PPIF: variants seen among roughly 807,000 people sequenced by gnomAD.
PPIF encodes peptidyl-prolyl cis-trans isomerase F, mitochondrial.
A neutral mutation model predicts 20.2 loss-of-function variants in PPIF; 23 were observed. The observed-to-expected ratio is 1.14, with a 90% CI of 0.82 to 1.61. The LOEUF (loss-of-function observed/expected upper bound fraction) is 1.61, where lower values mean the gene tolerates loss of function less well. Ranked by LOEUF, PPIF falls within the 40% of genes most tolerant of loss-of-function variation. PPIF has a pLI of 0.00. For missense variants in PPIF, 287 were observed against 291.6 expected, an observed-to-expected ratio of 0.98 and a Z score of 0.11; for synonymous variants, 113 against 123.1, an observed-to-expected ratio of 0.92 and a Z score of 0.54.
intron 3 of PPIF, among the ~76,000 whole-genome samples, chr10:79,350,506 T>G (rs1372630940): frequency 6.6e-6 from 1 of 152,178 alleles, no homozygotes; most frequent in African/African-American, 2.4e-5. Flanking sequence ...CCTGACCCAG[T>G]GGCCGTCATC....
At chr10:79,349,137 G>A (rs772130549) in intron 2 of PPIF, 31 bp downstream of exon 2, 4 of 1,613,758 alleles carry the variant, frequency 2.5e-6, no homozygotes, top group Non-Finnish European at 3.4e-6. Context: ...TTCTGAGATG[G>A]GTCTAGAGGG....
chr10:79,354,217 C>T lies in PPIF; in HGVS notation c.*375C>T, dbSNP rs1460657575. ...GGACAGTCAGTTTTGCAAAAGGACT[C>T]TAATACCTGTTTAATATTGTCTTCC... On this transcript the variant is annotated 3_prime_UTR_variant, in exon 6 of 6. Transcript: ENST00000225174. 1 of 255,910 alleles carries T rather than the reference C, an allele frequency of 3.9e-6. No individual in the cohort carries two copies. Among genetic ancestry groups the T allele is most frequent in the South Asian group, 5.1e-5 (1 of 19,434 alleles). The allele number at this position is 255,910 out of a possible 1,614,324, so 15.9% of individuals were successfully genotyped here. A position where few individuals can be genotyped will look rare whatever the true frequency, so the allele number is the denominator to read the frequency against.
intron 1 of PPIF, 68 bp downstream of exon 1, chr10:79,347,811 G>A: frequency 2.4e-6 from 3 of 1,242,592 alleles, no homozygotes; most frequent in African/African-American, 1.6e-5. Flanking sequence ...GGCCCCGGGC[G>A]GCGCGGTGCC....
At chr10:79,353,587 C>CGCCG in intron 5 of PPIF, 120 bp from the exon 6 acceptor site, 4 of 1,552,646 alleles carry the variant, frequency 2.6e-6, no homozygotes, top group East Asian at 4.6e-5. Context: ...GTAGATCTAG[C>CGCCG]TATTCCATGG....
Position 79,353,753 on chromosome 10 carries a change from G to T in PPIF, c.535G>T (p.Asp179Tyr). Residue 179 changes from aspartate (D) to tyrosine (Y), a missense_variant, in exon 6 of 6, where the codon GAC becomes TAC. Physicochemically the swap from Asp to Tyr is radical, Grantham distance 160. Coordinates refer to ENST00000225174, the MANE Select transcript of PPIF (RefSeq NM_005729.4). ...VVFGHVKEGM[D>Y]VVKKIESFGS... Reference sequence around the variant, plus strand: ...GTTCGGTCACGTCAAAGAGGGCATGGACGTCGTGAAGAAAATAGAATCTTT... The same window carrying T: ...GTTCGGTCACGTCAAAGAGGGCATGTACGTCGTGAAGAAAATAGAATCTTT... 3 of 1,614,264 alleles carry T rather than the reference G, an allele frequency of 1.9e-6. No individual in the cohort carries two copies. In the South Asian group the frequency reaches 3.3e-5, roughly 18 times the overall value.
In PPIF at chr10:79,353,890, C is replaced by G; in HGVS notation, c.*48C>G. 1.3e-6 allele frequency: 2 copies of G among 1,594,404 alleles called. No homozygotes were observed. Among genetic ancestry groups the G allele is most frequent in the South Asian group, 2.2e-5 (2 of 89,016 alleles). On this transcript the variant is annotated 3_prime_UTR_variant, in exon 6 of 6. Coordinates refer to ENST00000225174, the MANE Select transcript of PPIF (RefSeq NM_005729.4). The stretch of plus-strand genomic sequence containing the variant: ...GGTGGCAGCTGCAAATGTCCATGCA[C>G]CCAGGTGGCCGCGTTGGGCTGTCAG...
At chr10:79,348,137 G>A (rs1842150900) in intron 1 of PPIF, among the ~76,000 whole-genome samples, 1 of 151,890 alleles carries the variant, frequency 6.6e-6, no homozygotes, top group Admixed American at 6.6e-5. Context: ...TGCTCACGTG[G>A]CGGCCCTTGC....
intron 5 of PPIF, 129 bp downstream of exon 5, chr10:79,352,521 CTG>C: frequency 1.1e-6 from 1 of 913,450 alleles, no homozygotes; most frequent in South Asian, 1.5e-5. Context: ...CTCTCCCAGG[CTG>C]TGTGTTTGTA....
At chr10:79,352,441 T>C (rs1345215966) in intron 5 of PPIF, 49 bp downstream of exon 5, 1 of 1,574,782 alleles carries the variant, frequency 6.4e-7, no homozygotes, top group South Asian at 1.1e-5. Context: ...GCCTTGCAGC[T>C]GGAGGAGGAT....
Position 79,353,915 on chromosome 10 carries a change from G to C in PPIF, c.*73G>C. On this transcript the variant is annotated 3_prime_UTR_variant, in exon 6 of 6. Transcript: ENST00000225174. Reference sequence around the variant, plus strand: ...CCCAGGTGGCCGCGTTGGGCTGTCAGCCAAGGTGCCTGAAACGATACGTGT... The same window carrying C: ...CCCAGGTGGCCGCGTTGGGCTGTCACCCAAGGTGCCTGAAACGATACGTGT... 6.6e-7 allele frequency: 1 copy of C among 1,506,140 alleles called. No homozygotes were observed. Among genetic ancestry groups the C allele is most frequent in the Non-Finnish European group, 9.1e-7 (1 of 1,100,436 alleles). The allele number at this position is 1,506,140 out of a possible 1,614,324, so 93.3% of individuals were successfully genotyped here.
intron 4 of PPIF, 111 bp downstream of exon 4, chr10:79,351,694 C>T: frequency 5.4e-6 from 5 of 933,924 alleles, no homozygotes; most frequent in Non-Finnish European, 6.5e-6. Flanking sequence ...TCTGATGAGT[C>T]TCCTTCCTCC....
Position 79,353,712 on chromosome 10 carries a change from A to T in PPIF, c.494A>T (p.Asp165Val). 4.3e-6 allele frequency: 7 copies of T among 1,614,214 alleles called. No homozygotes were observed. The highest frequency in any genetic ancestry group is 5.9e-6 in the Non-Finnish European group (7 of 1,180,030). ...FICTIKTDWLDGKHVVFGHVK... is the reference protein window; with the variant it reads ...FICTIKTDWLVGKHVVFGHVK... ...CGGGTCACCCGTCCTCACAGGTTGG[A>T]TGGCAAGCATGTTGTGTTCGGTCAC... Residue 165 changes from aspartate (D) to valine (V), a missense_variant, in exon 6 of 6, where the codon GAT becomes GTT. Asp to Val is a radical substitution (Grantham distance 152). Coordinates refer to ENST00000225174, the MANE Select transcript of PPIF (RefSeq NM_005729.4).
At chr10:79,351,879 C>G (rs1375022876) in intron 4 of PPIF, among the ~76,000 whole-genome samples, 1 of 152,220 alleles carries the variant, frequency 6.6e-6, no homozygotes, top group Non-Finnish European at 1.5e-5. Context: ...GTTGGAAATT[C>G]TAGGACACTT....
chr10:79,351,734 C>T (rs1312571691), intron 4 of PPIF, 151 bp downstream of exon 4: 2 of 668,968 alleles, frequency 3.0e-6, no homozygotes, highest in Admixed American at 3.4e-5. Flanking sequence ...CTCAGCATTT[C>T]TGGCTTGTTG....
At chr10:79,347,993 G>A (rs548229674) in intron 1 of PPIF, among the ~76,000 whole-genome samples, 2 of 152,018 alleles carry the variant, frequency 1.3e-5, no homozygotes, top group South Asian at 2.1e-4. Context: ...AGATCGCAGA[G>A]AGGGAGGGCT....
chr10:79,352,189 C>T, intron 4 of PPIF, 128 bp from the exon 5 acceptor site: 2 of 811,616 alleles, frequency 2.5e-6, no homozygotes, highest in African/African-American at 1.7e-5. Flanking sequence ...CCTGGTTCTC[C>T]TCTTCTGGGT....
chr10:79,352,723 A>G (rs1021297847), intron 5 of PPIF, among the ~76,000 whole-genome samples: 5 of 152,252 alleles, frequency 3.3e-5, no homozygotes, highest in Non-Finnish European at 7.3e-5. Context: ...ATGAGGCCTC[A>G]GGAGGGACTG....
rs1856019442 is a variant in PPIF at position 79,354,197 on chromosome 10, G to A, written c.*355G>A. 1 of 287,192 alleles carries A rather than the reference G, an allele frequency of 3.5e-6. No homozygotes were observed. Among genetic ancestry groups the A allele is most frequent in the East Asian group, 8.6e-5 (1 of 11,656 alleles). The allele number at this position is 287,192 out of a possible 1,614,324, so 17.8% of individuals were successfully genotyped here. A position where few individuals can be genotyped will look rare whatever the true frequency, so the allele number is the denominator to read the frequency against. ...GTCTTTTCCTTGACCAAGGGGGACA[G>A]TCAGTTTTGCAAAAGGACTCTAATA... On this transcript the variant is annotated 3_prime_UTR_variant, in exon 6 of 6. Coordinates refer to ENST00000225174, the MANE Select transcript of PPIF (RefSeq NM_005729.4).
chr10:79,353,510 T>C, intron 5 of PPIF, 197 bp from the exon 6 acceptor site: 1 of 866,982 alleles, frequency 1.2e-6, no homozygotes, highest in Non-Finnish European at 1.8e-6. Flanking sequence ...ACAGAATGTG[T>C]CCTGGAAGCC....
Sources: allele counts gnomAD v4.1 joint callset (sites outside exome capture counted in the v4.1 genomes callset), GRCh38; gene constraint gnomAD v4.1.1; transcripts MANE v1.5; gene names NCBI Gene and HGNC (gene_info 2026-07-23, HGNC 2026-07-21).